The following DAPK2 variants were observed in gnomAD, a reference collection of about 807,000 sequenced individuals.
DAPK2 encodes death-associated protein kinase 2.
In DAPK2, 35 loss-of-function variants were observed where a neutral mutation model predicts 44.1. The ratio of observed to expected loss-of-function variants is 0.79; its 90% CI spans 0.61 to 1.05. The LOEUF (loss-of-function observed/expected upper bound fraction) is 1.05. Ranked by LOEUF, DAPK2 falls within the 50% of genes least tolerant of loss-of-function variation. DAPK2 has a pLI of 0.00. For missense variants in DAPK2, 453 were observed against 483.2 expected (o/e 0.94, Z 0.59); for synonymous variants, 174 against 182.6 (o/e 0.95, Z 0.38).
chr15:64,041,579 T>C (rs1051318957), upstream of DAPK2, among the ~76,000 whole-genome samples: 1 of 152,196 alleles, frequency 6.6e-6, no homozygotes, highest in African/African-American at 2.4e-5. Flanking sequence ...CAAGGGTCTT[T>C]AGCAAAGGCC....
chr15:63,923,160 C>G lies in DAPK2; in HGVS notation c.858+1656G>C. 6.5e-7 allele frequency: 1 copy of G among 1,535,828 alleles called. No homozygotes were observed. The highest frequency in any genetic ancestry group is 2.4e-5 in the East Asian group (1 of 40,902). On this transcript the variant is annotated intron_variant, in intron 8 of 10. Transcript: ENST00000261891. The surrounding 1 kb of genome is among the most constrained non-coding windows in gnomAD (Gnocchi z 4.2). ...ATGGTATCGTGGGCCTCCACCAGGG[C>G]ACGGCATCCCAGGTCGACCCGAGCC... is the stretch of plus-strand genomic sequence containing the variant.
chr15:63,981,467 T>C (rs1012304734), intron 2 of DAPK2, among the ~76,000 whole-genome samples: 3 of 152,108 alleles, frequency 2.0e-5, no homozygotes, highest in Non-Finnish European at 2.9e-5. Context: ...GTGAAACATA[T>C]AGTCAGTTAA....
chr15:63,994,410 AAAGGAAGG>A (rs56254515), intron 1 of DAPK2, among the ~76,000 whole-genome samples: 37,293 of 141,370 alleles, frequency 0.26, 6,043 homozygotes, highest in Non-Finnish European at 0.37. Context: ...TGTTAAAAGA[AAAGGAAGG>A]AAGGAAGGAA....
At chr15:64,022,586 G>T (rs1054883398) in intron 1 of DAPK2, among the ~76,000 whole-genome samples, 3 of 152,182 alleles carry the variant, frequency 2.0e-5, no homozygotes, top group Non-Finnish European at 2.9e-5. Flanking sequence ...GGAGACTGAG[G>T]CGGGTGAACA....
intron 8 of DAPK2, chr15:63,921,147 T>C (rs1297311969): frequency 1.3e-5 from 2 of 152,276 alleles, no homozygotes; most frequent in Non-Finnish European, 2.9e-5. Flanking sequence ...CTAAACATTG[T>C]ATCCCCAGAG....
At chr15:64,032,042 G>A (rs940557903) in intron 1 of DAPK2, among the ~76,000 whole-genome samples, 1 of 152,280 alleles carries the variant, frequency 6.6e-6, no homozygotes, top group East Asian at 1.9e-4. Flanking sequence ...TAACTTATGA[G>A]TATCTGTAGG....
intron 1 of DAPK2, among the ~76,000 whole-genome samples, chr15:64,019,907 G>A (rs1317790822): frequency 6.6e-6 from 1 of 152,206 alleles, no homozygotes; most frequent in Non-Finnish European, 1.5e-5. Context: ...CTCTGAGTGA[G>A]TTGACATAGT....
intron 2 of DAPK2, 28 bp downstream of exon 3, chr15:63,983,505 C>A: frequency 5.6e-6 from 9 of 1,605,568 alleles, no homozygotes; most frequent in Non-Finnish European, 7.7e-6. Flanking sequence ...TGCCCCCCAA[C>A]CCTGTGGGTC....
At chr15:63,938,177 T>C (rs1433290598) in intron 4 of DAPK2, among the ~76,000 whole-genome samples, 1 of 152,218 alleles carries the variant, frequency 6.6e-6, no homozygotes, top group Non-Finnish European at 1.5e-5. Flanking sequence ...CAGGGTTTGT[T>C]AGAGAGACAA....
At chr15:63,954,792 A>G (rs1307717826) in intron 3 of DAPK2, among the ~76,000 whole-genome samples, 6 of 152,200 alleles carry the variant, frequency 3.9e-5, no homozygotes, top group Non-Finnish European at 5.9e-5. Context: ...AACATAGAAT[A>G]TCTTTCCATT....
intron 3 of DAPK2, among the ~76,000 whole-genome samples, chr15:63,961,734 T>C (rs971851070): frequency 3.9e-5 from 6 of 152,248 alleles, no homozygotes; most frequent in Non-Finnish European, 8.8e-5. Flanking sequence ...CGGGCTTCCC[T>C]TTGTGGGTAA....
At chr15:64,023,742 C>T (rs1331615698) in intron 1 of DAPK2, among the ~76,000 whole-genome samples, 3 of 152,178 alleles carry the variant, frequency 2.0e-5, no homozygotes, top group Non-Finnish European at 2.9e-5. Flanking sequence ...TTGCTATCTA[C>T]GGCCATTTGC....
intron 1 of DAPK2, among the ~76,000 whole-genome samples, chr15:64,004,224 A>T (rs973551285): frequency 2.6e-5 from 4 of 152,016 alleles, no homozygotes; most frequent in African/African-American, 9.7e-5. Context: ...CCACTTCCTG[A>T]TAGTATTGTT....
chr15:64,004,129 A>G (rs999047870), intron 1 of DAPK2, among the ~76,000 whole-genome samples: 11 of 149,666 alleles, frequency 7.3e-5, no homozygotes, highest in Non-Finnish European at 1.5e-4. Context: ...CCATCCCTCC[A>G]TTTTTCTCTT....
chr15:63,952,489 G>A (rs1205239633), intron 3 of DAPK2, among the ~76,000 whole-genome samples: 1 of 152,084 alleles, frequency 6.6e-6, no homozygotes, highest in South Asian at 2.1e-4. Context: ...GTTGCCCGGG[G>A]CTAGGTTTTG....
At chr15:63,960,961 A>G (rs1396870762) in intron 3 of DAPK2, among the ~76,000 whole-genome samples, 1 of 152,158 alleles carries the variant, frequency 6.6e-6, no homozygotes, top group Non-Finnish European at 1.5e-5. Flanking sequence ...AAATTCTCCC[A>G]TTATTATTGT....
chr15:63,962,605 C>A (rs941484387), intron 3 of DAPK2, among the ~76,000 whole-genome samples: 1 of 152,228 alleles, frequency 6.6e-6, no homozygotes, highest in African/African-American at 2.4e-5. Flanking sequence ...TTGGAGTTTG[C>A]TGGAGGTCCA....
At position 63,912,885 on chromosome 15, in the gene DAPK2, C is replaced by T. The variant is rs376468238; in HGVS notation, c.859-688G>A. On this transcript the variant is annotated intron_variant, in intron 8 of 10. Coordinates refer to ENST00000261891, the Ensembl canonical transcript of DAPK2. This position sits in a 1 kb window ranked among gnomAD's most constrained non-coding sequence, Gnocchi z 4.4. ...TAGTAATAAGTTATTGTGAGCTTTC[C>T]TGCGTTCTCCATTCCCTTTTCAACA... Among the ~76,000 whole-genome samples, 33 of 152,266 alleles carry T rather than the reference C, an allele frequency of 2.2e-4. 1 individual carries two copies. The East Asian group carries it at 2.9e-3, about 13-fold the overall frequency.
At chr15:64,011,598 T>C in intron 1 of DAPK2, among the ~76,000 whole-genome samples, 1 of 152,250 alleles carries the variant, frequency 6.6e-6, no homozygotes, top group African/African-American at 2.4e-5. Context: ...GCTTGGATAA[T>C]GAAAATGTTC....
Sources: gnomAD v4.1 joint callset for allele counts (sites outside exome capture counted in the v4.1 genomes callset) on GRCh38, gnomAD v4.1.1 for gene constraint, Gnocchi (gnomAD v3.1) non-coding constraint, MANE v1.5 for transcripts, NCBI Gene and HGNC (gene_info 2026-07-23, HGNC 2026-07-21) for gene names.